The following MCM10 variants were observed in gnomAD, a reference collection of about 807,000 sequenced individuals.
MCM10 encodes minichromosome maintenance 10 replication initiation factor, also known as protein MCM10 homolog.
Under a neutral mutation model 109.9 loss-of-function variants are expected in MCM10, and 91 were observed. The observed-to-expected ratio is 0.83, with a 90% CI of 0.70 to 0.99. MCM10 has a LOEUF of 0.99. Ranked by LOEUF, MCM10 falls within the 50% of genes least tolerant of loss-of-function variation. The probability of loss-of-function intolerance (pLI) is 0.00; values close to 1 mark genes in which losing one functional copy is unlikely to be tolerated. For synonymous variants in MCM10, 380 were observed against 387.2 expected (o/e 0.98, Z 0.22); for missense variants, 1,077 against 1,061.2 (o/e 1.01, Z -0.21).
chr10:13,201,564 A>G (rs1304335065), intron 17 of MCM10, 30 bp downstream of exon 17: 27 of 1,520,960 alleles, frequency 1.8e-5, no homozygotes, highest in Non-Finnish European at 1.1e-5. Context: ...GCAGCAACCC[A>G]TGGGCCCTGT....
intron 7 of MCM10, among the ~76,000 whole-genome samples, chr10:13,181,689 T>A (rs1023317190): frequency 6.6e-5 from 10 of 152,286 alleles, no homozygotes; most frequent in East Asian, 3.9e-4. Flanking sequence ...AAAAAAATTT[T>A]AAAAAATTAA....
In MCM10 at chr10:13,170,230, T is replaced by C. The variant is rs938864778; in HGVS notation, c.8-692T>C. Among the ~76,000 whole-genome samples, 14 of 152,084 alleles carry C rather than the reference T, an allele frequency of 9.2e-5. No homozygotes were observed. In the East Asian group the frequency reaches 2.1e-3, roughly 23 times the overall value. ...GGGAAGTGGGGGCAGTGGTCAGGAG[T>C]TGGGATAAGATTTGGCATGACAGAC... On this transcript the variant is annotated intron_variant, in intron 2 of 19. Coordinates refer to ENST00000378714, the MANE Select transcript of MCM10 (RefSeq NM_018518.5).
chr10:13,205,816 G>C (rs911406282), intron 18 of MCM10, among the ~76,000 whole-genome samples: 1 of 152,238 alleles, frequency 6.6e-6, no homozygotes, highest in Non-Finnish European at 1.5e-5. Context: ...GGCTGACTGT[G>C]TGTGTTGTAA....
chr10:13,196,273 G>A (rs567039237), intron 14 of MCM10, among the ~76,000 whole-genome samples: 14 of 152,026 alleles, frequency 9.2e-5, no homozygotes, highest in Admixed American at 2.6e-4. Context: ...GAGTTGCTGC[G>A]GCTGAAGTAG....
At chr10:13,181,537 G>A (rs1834209244) in intron 7 of MCM10, among the ~76,000 whole-genome samples, 1 of 152,134 alleles carries the variant, frequency 6.6e-6, no homozygotes, top group African/African-American at 2.4e-5. Flanking sequence ...GGAGGGCAGG[G>A]AGGGGGAGAG....
intron 6 of MCM10, among the ~76,000 whole-genome samples, chr10:13,176,534 T>G (rs1834143986): frequency 6.6e-6 from 1 of 152,100 alleles, no homozygotes; most frequent in South Asian, 2.1e-4. Context: ...AGCCAACAAC[T>G]AAAACTGCTA....
At position 13,195,127 on chromosome 10, in the gene MCM10, C is replaced by T. The variant is rs1290145686; in HGVS notation, c.1832C>T (p.Ser611Phe). The change falls in exon 14 of 20, where the codon TCC becomes TTC. Residue 611 changes from serine (S) to phenylalanine (F), a missense_variant. Ser to Phe is a radical substitution (Grantham distance 155, BLOSUM62 -2). Transcript: ENST00000378714. The part of the protein sequence containing the change: ...QPPAQPPRTG[S>F]EFPRLEGAPA... Reference sequence around the variant, plus strand: ...CCTGCTCAGCCTCCACGGACAGGATCCGAGTTCCCCAGGCTGGAGGGAGCC... The same window carrying T: ...CCTGCTCAGCCTCCACGGACAGGATTCGAGTTCCCCAGGCTGGAGGGAGCC... The T allele has an allele frequency of 6.2e-7, 1 of 1,614,174 alleles. No homozygotes were observed. Among genetic ancestry groups the T allele is most frequent in the Non-Finnish European group, 8.5e-7 (1 of 1,180,036 alleles).
At position 13,171,267 on chromosome 10, in the gene MCM10, C is replaced by T. The variant is rs749665795; in HGVS notation, c.349+4C>T. 14 of 1,595,190 alleles carry T rather than the reference C, an allele frequency of 8.8e-6. No homozygotes were observed. Among genetic ancestry groups the T allele is most frequent in the Non-Finnish European group, 1.1e-5 (13 of 1,170,840 alleles). ...AAAACGAATGAAGAGTTGCAAGGTG[C>T]CCTAACTACTTGCCTTCCTTATTTC... On this transcript the variant is annotated splice_donor_region_variant and intron_variant, in intron 3 of 19. Transcript: ENST00000378714.
At chr10:13,180,654 G>T (rs772746216) in intron 7 of MCM10, 47 bp downstream of exon 7, 1 of 1,597,616 alleles carries the variant, frequency 6.3e-7, no homozygotes, top group South Asian at 1.1e-5. Flanking sequence ...CAAACTGACA[G>T]TGGGAATTCG....
intron 13 of MCM10, among the ~76,000 whole-genome samples, chr10:13,192,920 CTG>C (rs1363319003): frequency 2.0e-5 from 3 of 151,738 alleles, no homozygotes; most frequent in Non-Finnish European, 4.4e-5. Context: ...GGTTTTCACT[CTG>C]TCACCCCAGC....
Position 13,209,728 on chromosome 10 carries a change from T to C in MCM10, c.*418T>C, listed in dbSNP as rs921864291. On this transcript the variant is annotated 3_prime_UTR_variant, in exon 20 of 20. Transcript: ENST00000378714. ...TAATTCTCACTCCAGGTAAGTAGCT[T>C]AACTTCTGGGCTTCAGTTTTCTCAT... The C allele has an allele frequency of 3.0e-5, 5 of 165,450 alleles. No individual in the cohort carries two copies. The highest frequency in any genetic ancestry group is 1.2e-4 in the African/African-American group (5 of 41,690). The allele number at this position is 165,450 out of a possible 1,614,324, so 10.2% of individuals were successfully genotyped here. A position where few individuals can be genotyped will look rare whatever the true frequency, so the allele number is the denominator to read the frequency against.
intron 17 of MCM10, among the ~76,000 whole-genome samples, chr10:13,202,700 T>C (rs994515354): frequency 5.9e-5 from 9 of 152,134 alleles, no homozygotes; most frequent in Non-Finnish European, 1.3e-4. Context: ...CACCATTGCA[T>C]TTCACCCTAG....
chr10:13,192,640 T>G, intron 13 of MCM10, 72 bp downstream of exon 13: 1 of 1,376,066 alleles, frequency 7.3e-7, no homozygotes, highest in Non-Finnish European at 1.0e-6. Flanking sequence ...TCTTCATCGA[T>G]TTCCAGAATG....
intron 8 of MCM10, among the ~76,000 whole-genome samples, chr10:13,185,384 A>G (rs1330498456): frequency 6.6e-6 from 1 of 152,206 alleles, no homozygotes; most frequent in Non-Finnish European, 1.5e-5. Context: ...AAGAAGGGAG[A>G]GAGCTGAGTT....
At chr10:13,189,683 TACAGTGTTA>T (rs1042227391) in intron 10 of MCM10, among the ~76,000 whole-genome samples, 74 of 152,326 alleles carry the variant, frequency 4.9e-4, no homozygotes, top group African/African-American at 1.6e-3. Flanking sequence ...ATGTGTTAAT[TACAGTGTTA>T]ACACCCTTTT....
rs1316463015 is a variant in MCM10 at position 13,210,804 on chromosome 10, A to C, written c.*1494A>C. ...TATTTATTAATAAGAACCAGAAAGC[A>C]CTTGAAACTGATGTTTTTAATGGCT... On this transcript the variant is annotated 3_prime_UTR_variant, in exon 20 of 20. Transcript: ENST00000378714. 6.6e-6 allele frequency: 1 copy of C among 152,212 alleles called. No individual in the cohort carries two copies. Among genetic ancestry groups the C allele is most frequent in the Non-Finnish European group, 1.5e-5 (1 of 68,044 alleles). 9.4% of individuals were successfully genotyped at this position (152,212 alleles called of 1,614,324 possible).
rs752253980 is a variant in MCM10 at position 13,204,261 on chromosome 10, G to GAGC, written c.2400_2402dup (p.Gln800dup). The GAGC allele has an allele frequency of 6.2e-7, 1 of 1,614,184 alleles. No homozygotes were observed. The highest frequency in any genetic ancestry group is 8.5e-7 in the Non-Finnish European group (1 of 1,180,044). ...CAAGCTGCTGGAGACCTGCGTCAGT[G>GAGC]AGCAGCATGAATACCACTGGCATGA... On this transcript the variant is annotated inframe_insertion, in exon 18 of 20. Coordinates refer to ENST00000378714, the MANE Select transcript of MCM10 (RefSeq NM_018518.5).
chr10:13,176,670 G>A (rs1431742279), intron 6 of MCM10, among the ~76,000 whole-genome samples: 1 of 152,250 alleles, frequency 6.6e-6, no homozygotes, highest in Admixed American at 6.5e-5. Flanking sequence ...GCCAAGGCAG[G>A]AGGATTGCTT....
intron 15 of MCM10, 56 bp from the exon 16 acceptor site, chr10:13,198,633 G>T: frequency 8.9e-7 from 1 of 1,122,868 alleles, no homozygotes; most frequent in Non-Finnish European, 1.4e-6. Context: ...TTGATGAGGC[G>T]CACTGGCTTT....
Sources: gnomAD v4.1 joint callset for allele counts (sites outside exome capture counted in the v4.1 genomes callset) on GRCh38, gnomAD v4.1.1 for gene constraint, MANE v1.5 for transcripts, NCBI Gene and HGNC (gene_info 2026-07-23, HGNC 2026-07-21) for gene names.